The following ABCA1 variants were observed in gnomAD, a reference collection of about 807,000 sequenced individuals.
ABCA1 encodes the protein ATP binding cassette subfamily A member 1, also known as phospholipid-transporting ATPase ABCA1.
Under a neutral mutation model 262.5 loss-of-function variants are expected in ABCA1, and 133 were observed. The ratio of observed to expected loss-of-function variants is 0.51; its 90% CI spans 0.44 to 0.59. The LOEUF (loss-of-function observed/expected upper bound fraction) is 0.59, where lower values mean the gene tolerates loss of function less well. Among genes scored for constraint, ABCA1 ranks in the 20% least tolerant of loss-of-function variants. The pLI, the probability that ABCA1 is intolerant of heterozygous loss-of-function variation, is 0.00. For missense variants in ABCA1, 2,452 were observed against 2,777.5 expected, an observed-to-expected ratio of 0.88 and a Z score of 2.63; for synonymous variants, 1,022 against 1,043.5, an observed-to-expected ratio of 0.98 and a Z score of 0.40.
At chr9:104,866,688 A>T (rs1049724340) in intron 5 of ABCA1, among the ~76,000 whole-genome samples, 5 of 151,972 alleles carry the variant, frequency 3.3e-5, no homozygotes, top group Non-Finnish European at 5.9e-5. Context: ...GGGTTTCATC[A>T]TGTTGGCCAG....
chr9:104,819,395 G>T (rs930971472), intron 22 of ABCA1, among the ~76,000 whole-genome samples, 191 bp downstream of exon 22: 1 of 152,100 alleles, frequency 6.6e-6, no homozygotes, highest in African/African-American at 2.4e-5. Context: ...CCATGTTGGG[G>T]ACAAAAAGAT....
chr9:104,806,260 C>T lies in ABCA1; in HGVS notation c.4445G>A (p.Gly1482Glu), dbSNP rs1488795944. The T allele has an allele frequency of 1.2e-6, 2 of 1,613,394 alleles. No homozygotes were observed. The highest frequency in any genetic ancestry group is 1.1e-5 in the South Asian group (1 of 91,040). Residue 1482 changes from glycine (G) to glutamate (E), a missense_variant, in exon 31 of 50, where the codon GGG becomes GAG. By Grantham distance (98) the Gly-to-Glu change is moderately conservative. Around this residue, in one of 4 missense-constraint regions of ABCA1, gnomAD observed 665 missense variants for 727.3 expected, o/e 0.91. Coordinates refer to ENST00000374736, the MANE Select transcript of ABCA1 (RefSeq NM_005502.4). ...KMLPVCPPGA[G>E]GLPPPQRKQN... is the part of the protein sequence containing the mutation. ...ACTCACTTGTGGAGGAGGCAGCCCC[C>T]CTGCCCCTGGGGGACACACAGGCAG...
chr9:104,810,684 C>T (rs370216569), intron 29 of ABCA1, 116 bp downstream of exon 29: 31 of 1,526,340 alleles, frequency 2.0e-5, no homozygotes, highest in South Asian at 1.7e-4. Context: ...GGACCTGAGC[C>T]GCAGCAGTAA....
chr9:104,802,752 T>A (rs534165147), intron 33 of ABCA1, among the ~76,000 whole-genome samples: 2 of 152,352 alleles, frequency 1.3e-5, no homozygotes, highest in South Asian at 2.1e-4. Context: ...AGAACTCTTC[T>A]GTCCCCAGTC....
At chr9:104,822,013 C>T (rs1044146077) in intron 19 of ABCA1, among the ~76,000 whole-genome samples, 4 of 152,166 alleles carry the variant, frequency 2.6e-5, no homozygotes, top group Admixed American at 6.5e-5. Context: ...GTTGAGGAAT[C>T]GTGCTGGAAG....
intron 3 of ABCA1, among the ~76,000 whole-genome samples, chr9:104,888,251 C>T (rs1229683523): frequency 2.0e-5 from 3 of 152,070 alleles, no homozygotes; most frequent in African/African-American, 4.8e-5. Context: ...TTGTGGGTCT[C>T]GTAGGGGTAT....
rs911209521 is a variant in ABCA1 at position 104,924,623 on chromosome 9, AAAG to A, written c.-93+3309_-93+3311del. 2.9e-4 allele frequency among the ~76,000 whole-genome samples: 43 copies of A among 149,864 alleles called. 1 individual carries two copies. The highest frequency in any genetic ancestry group is 4.0e-4 in the East Asian group (2 of 5,056). ...AGACTCCATCTCAGAAAAAAAAAAA[AAAG>A]AAAAAGTATTTGGTTTTAAAAGTAT... On this transcript the variant is annotated intron_variant, in intron 1 of 49. Transcript: ENST00000374736.
At chr9:104,800,255 G>C (rs926766105) in intron 35 of ABCA1, among the ~76,000 whole-genome samples, 1 of 152,262 alleles carries the variant, frequency 6.6e-6, no homozygotes, top group African/African-American at 2.4e-5. Flanking sequence ...TATGATTACT[G>C]TCTCCATTTC....
intron 8 of ABCA1, among the ~76,000 whole-genome samples, chr9:104,842,735 C>T (rs564511847): frequency 7.1e-4 from 108 of 152,246 alleles, no homozygotes; most frequent in Non-Finnish European, 1.2e-3. Flanking sequence ...GTCCTTTGTC[C>T]TCCCTTTCCC....
At chr9:104,926,969 G>T (rs4742928) in intron 1 of ABCA1, among the ~76,000 whole-genome samples, 86,025 of 151,710 alleles carry the variant, frequency 0.57, 25,287 homozygotes, top group African/African-American at 0.73. Context: ...CCCAGCACTT[G>T]GGGAGGCCGA....
At chr9:104,803,536 C>A (rs952229617) in intron 32 of ABCA1, among the ~76,000 whole-genome samples, 1 of 152,156 alleles carries the variant, frequency 6.6e-6, no homozygotes, top group African/African-American at 2.4e-5. Flanking sequence ...ATATGAGAAC[C>A]AGGCCTTGGG....
intron 1 of ABCA1, among the ~76,000 whole-genome samples, chr9:104,914,334 T>C (rs943098383): frequency 1.3e-5 from 2 of 151,626 alleles, no homozygotes; most frequent in South Asian, 4.2e-4. Flanking sequence ...AAAAAGTAGC[T>C]GGGCATGGTA....
Position 104,822,743 on chromosome 9 carries a change from G to C in ABCA1, c.2657-76C>G. ...GGAGTGTAAGGACACAGGGCACTGC[G>C]CTTGAACTTTCAGAAGTGCCTTCTC... is the stretch of plus-strand genomic sequence containing the variant. On this transcript the variant is annotated intron_variant, in intron 18 of 49. Coordinates refer to ENST00000374736, the MANE Select transcript of ABCA1 (RefSeq NM_005502.4). The C allele has an allele frequency of 1.9e-6, 3 of 1,552,980 alleles. No homozygotes were observed. The South Asian group carries it at 3.4e-5, about 17-fold the overall frequency.
chr9:104,800,759 G>A (rs1830264310), intron 34 of ABCA1, among the ~76,000 whole-genome samples, 175 bp from the exon 35 acceptor site: 1 of 152,154 alleles, frequency 6.6e-6, no homozygotes, highest in Admixed American at 6.6e-5. Context: ...CAAGTGACTA[G>A]AAATCTACAG....
intron 2 of ABCA1, among the ~76,000 whole-genome samples, chr9:104,899,989 C>T (rs1840531936): frequency 6.6e-6 from 1 of 152,184 alleles, no homozygotes; most frequent in African/African-American, 2.4e-5. Flanking sequence ...ACTTTCACAA[C>T]TCAATTCAAT....
In ABCA1 at chr9:104,923,867, T is replaced by C. The variant is rs116639139; in HGVS notation, c.-93+4068A>G. Among the ~76,000 whole-genome samples the C allele has an allele frequency of 6.1e-3, 923 of 152,138 alleles. 8 individuals are homozygous for C. Among genetic ancestry groups the C allele is most frequent in the African/African-American group, 0.021 (860 of 41,502 alleles). On this transcript the variant is annotated intron_variant, in intron 1 of 49. Coordinates refer to ENST00000374736, the MANE Select transcript of ABCA1 (RefSeq NM_005502.4). ...CCAGTCTGAGCAAGATAGTGAGACC[T>C]TGTCTTTACAAAAAATTGTAAAAAT...
chr9:104,787,410 C>T (rs1829025117), intron 46 of ABCA1, among the ~76,000 whole-genome samples: 1 of 151,730 alleles, frequency 6.6e-6, no homozygotes, highest in Non-Finnish European at 1.5e-5. Context: ...GTTAGCCTTA[C>T]AGAAACAAAT....
chr9:104,892,708 A>G (rs1839858001), intron 2 of ABCA1, among the ~76,000 whole-genome samples: 1 of 152,018 alleles, frequency 6.6e-6, no homozygotes, highest in South Asian at 2.1e-4. Context: ...AAATCAGTTG[A>G]GCCCTTTGGG....
At chr9:104,813,196 G>A (rs1200996114) in intron 27 of ABCA1, among the ~76,000 whole-genome samples, 1 of 152,188 alleles carries the variant, frequency 6.6e-6, no homozygotes, top group Non-Finnish European at 1.5e-5. Flanking sequence ...TATGAAGTCA[G>A]GCAGTTATAT....
Sources: allele counts gnomAD v4.1 joint callset (sites outside exome capture counted in the v4.1 genomes callset), GRCh38; gene constraint gnomAD v4.1.1; regional missense constraint gnomAD v4.1.1; transcripts MANE v1.5; gene names NCBI Gene and HGNC (gene_info 2026-07-23, HGNC 2026-07-21).